The following CLIP1 variants were observed in gnomAD, a reference collection of about 807,000 sequenced individuals.
CLIP1 encodes CAP-Gly domain-containing linker protein 1.
A neutral mutation model predicts 161.6 loss-of-function variants in CLIP1; 66 were observed. The observed-to-expected ratio is 0.41, with a 90% CI of 0.33 to 0.50. CLIP1 has a LOEUF of 0.50. Among genes scored for constraint, CLIP1 ranks in the 20% least tolerant of loss-of-function variants. CLIP1 has a pLI of 0.27. For missense variants in CLIP1, 1,376 were observed against 1,702.0 expected (o/e 0.81, Z 3.37); for synonymous variants, 598 against 626.2 (o/e 0.96, Z 0.67).
chr12:122,278,228 A>G, intron 23 of CLIP1, 25 bp from the exon 24 acceptor site: 2 of 1,574,096 alleles, frequency 1.3e-6, no homozygotes, highest in Non-Finnish European at 1.7e-6. Flanking sequence ...AAAAAAAAAA[A>G]AAACAAGTGG....
At chr12:122,384,023 G>A (rs1247450148) in intron 1 of CLIP1, among the ~76,000 whole-genome samples, 1 of 152,072 alleles carries the variant, frequency 6.6e-6, no homozygotes, top group African/African-American at 2.4e-5. Context: ...TAATTTTTAT[G>A]TGAATTACTA....
chr12:122,417,849 T>C (rs1405068169), intron 1 of CLIP1, among the ~76,000 whole-genome samples: 2 of 152,124 alleles, frequency 1.3e-5, no homozygotes, highest in Admixed American at 1.3e-4. Context: ...AACAAATACA[T>C]ATTTTAAGGA....
intron 17 of CLIP1, 116 bp downstream of exon 17, chr12:122,327,831 G>T: frequency 1.2e-6 from 1 of 855,336 alleles, no homozygotes; most frequent in Non-Finnish European, 1.9e-6. Context: ...GAAGGGTAAC[G>T]TCTGTAGAGG....
At chr12:122,300,887 A>T (rs1466970670) in intron 20 of CLIP1, among the ~76,000 whole-genome samples, 2 of 152,204 alleles carry the variant, frequency 1.3e-5, no homozygotes, top group Non-Finnish European at 2.9e-5. Flanking sequence ...TAACATCACC[A>T]ATAATGGGAC....
chr12:122,280,967 C>T (rs1372896738), intron 21 of CLIP1: 1 of 152,162 alleles, frequency 6.6e-6, no homozygotes, highest in Non-Finnish European at 1.5e-5. Flanking sequence ...TGTTTTGGAA[C>T]CAACTGGAGG....
intron 20 of CLIP1, among the ~76,000 whole-genome samples, chr12:122,303,991 G>A (rs2136447732): frequency 6.6e-6 from 1 of 152,266 alleles, no homozygotes; most frequent in South Asian, 2.1e-4. Flanking sequence ...TCCTGAGGGG[G>A]TACCCGCCCG....
chr12:122,378,182 G>A (rs534644687), intron 2 of CLIP1, among the ~76,000 whole-genome samples: 1 of 152,162 alleles, frequency 6.6e-6, no homozygotes, highest in South Asian at 2.1e-4. Flanking sequence ...CACCTTCCGG[G>A]TACAAGTGAT....
intron 20 of CLIP1, among the ~76,000 whole-genome samples, chr12:122,295,160 T>G (rs1044345829): frequency 1.1e-4 from 17 of 152,068 alleles, no homozygotes; most frequent in African/African-American, 4.1e-4. Flanking sequence ...TCATTTGAGG[T>G]TGGAGTCCAA....
intron 1 of CLIP1, among the ~76,000 whole-genome samples, chr12:122,404,041 C>G (rs115532121): frequency 6.6e-6 from 1 of 152,146 alleles, no homozygotes; most frequent in Non-Finnish European, 1.5e-5. Context: ...GTAGAATACC[C>G]GGTAAGCGCA....
Position 122,336,230 on chromosome 12 carries a change from C to T in CLIP1, c.2568+402G>A, listed in dbSNP as rs140283269. 3.8e-3 allele frequency among the ~76,000 whole-genome samples: 584 copies of T among 152,244 alleles called. 2 individuals carry two copies. The highest frequency in any genetic ancestry group is 0.013 in the African/African-American group (551 of 41,532). On this transcript the variant is annotated intron_variant, in intron 12 of 25. Transcript: ENST00000620786. ...CTGCCTCGCCAACAGAGGGCGCCTACGGCCCAGTACAGCTACTGCCCTGAT... is the reference window on the plus strand; with the variant it reads ...CTGCCTCGCCAACAGAGGGCGCCTATGGCCCAGTACAGCTACTGCCCTGAT...
intron 20 of CLIP1, among the ~76,000 whole-genome samples, chr12:122,297,577 T>G (rs545566250): frequency 6.6e-6 from 1 of 152,292 alleles, no homozygotes; most frequent in Admixed American, 6.5e-5. Flanking sequence ...TTTTAGTCTC[T>G]TCTCGAACCA....
chr12:122,299,767 T>C (rs992651351), intron 20 of CLIP1, among the ~76,000 whole-genome samples: 18 of 150,100 alleles, frequency 1.2e-4, no homozygotes, highest in Non-Finnish European at 2.5e-4. Context: ...ATACAAAAAA[T>C]TAGCCGGGCG....
intron 3 of CLIP1, among the ~76,000 whole-genome samples, chr12:122,370,187 A>G (rs1954374592): frequency 6.6e-6 from 1 of 150,988 alleles, no homozygotes. Context: ...GAAGAAGAAG[A>G]AAGAAAAGAA....
chr12:122,395,561 G>A (rs1243569554), intron 1 of CLIP1: 2 of 152,108 alleles, frequency 1.3e-5, no homozygotes, highest in African/African-American at 4.8e-5. Context: ...ATCTGGAGCT[G>A]ATGACTCAAG....
intron 1 of CLIP1, among the ~76,000 whole-genome samples, chr12:122,421,938 A>G (rs1251449258): frequency 6.6e-6 from 1 of 152,288 alleles, no homozygotes; most frequent in East Asian, 1.9e-4. Context: ...CGATCTGGCC[A>G]CCTCCAGCCT....
At chr12:122,302,793 C>T (rs939181064) in intron 20 of CLIP1, among the ~76,000 whole-genome samples, 14 of 152,088 alleles carry the variant, frequency 9.2e-5, no homozygotes, top group South Asian at 4.2e-4. Flanking sequence ...GACAGGGTTT[C>T]GCCATGTTAG....
chr12:122,364,449 G>T (rs1232861139), intron 3 of CLIP1, among the ~76,000 whole-genome samples: 1 of 150,784 alleles, frequency 6.6e-6, no homozygotes, highest in Non-Finnish European at 1.5e-5. Context: ...TGTCATCCAG[G>T]CTAGAGTGCA....
intron 21 of CLIP1, among the ~76,000 whole-genome samples, chr12:122,287,550 G>A (rs1198988042): frequency 3.3e-5 from 5 of 152,172 alleles, no homozygotes; most frequent in Non-Finnish European, 5.9e-5. Flanking sequence ...CTCGGCAGTA[G>A]CACCCCCTAA....
intron 20 of CLIP1, among the ~76,000 whole-genome samples, chr12:122,307,709 G>A (rs894096224): frequency 1.3e-5 from 2 of 152,158 alleles, no homozygotes; most frequent in Non-Finnish European, 2.9e-5. Context: ...AACAGAGCCC[G>A]ATGAATTAAT....
Sources: allele counts gnomAD v4.1 joint callset (sites outside exome capture counted in the v4.1 genomes callset), GRCh38; gene constraint gnomAD v4.1.1; transcripts MANE v1.5; gene names NCBI Gene and HGNC (gene_info 2026-07-23, HGNC 2026-07-21).